The following AMZ2 variants were observed in gnomAD, a reference collection of about 807,000 sequenced individuals.
AMZ2 encodes the protein archaelysin family metallopeptidase 2.
In AMZ2, 26 loss-of-function variants were observed where a neutral mutation model predicts 36.7. The ratio of observed to expected loss-of-function variants is 0.71; its 90% CI spans 0.52 to 0.98. The LOEUF is 0.98. Ranked by LOEUF, AMZ2 falls within the 50% of genes least tolerant of loss-of-function variation. The pLI is 0.00. For missense variants in AMZ2, 394 were observed against 430.5 expected, an observed-to-expected ratio of 0.92 and a Z score of 0.75; for synonymous variants, 144 against 149.1, an observed-to-expected ratio of 0.97 and a Z score of 0.25.
At chr17:68,244,832 T>C (rs1432443525), upstream of AMZ2, among the ~76,000 whole-genome samples, 6 of 152,236 alleles carry the variant, frequency 3.9e-5, no homozygotes, top group African/African-American at 1.4e-4. Context: ...GTGTTTTTTA[T>C]TTTATTTCAT....
intron 1 of AMZ2, 135 bp from the exon 2 acceptor site, chr17:68,250,053 A>C (rs112601417): frequency 1.4e-5 from 13 of 935,294 alleles, no homozygotes; most frequent in African/African-American, 1.3e-4. Context: ...AACCACTCTA[A>C]GTGTGACCAC....
At chr17:68,206,384 A>T (rs371572721) in intron 1 of AMZ2, 1 of 838,994 alleles carries the variant, frequency 1.2e-6, no homozygotes, top group African/African-American at 1.9e-5. Flanking sequence ...GGGCACATCA[A>T]GTGGCAAAAA....
chr17:68,208,624 C>T (rs1478910983), intron 1 of AMZ2, among the ~76,000 whole-genome samples: 1 of 152,222 alleles, frequency 6.6e-6, no homozygotes, highest in Non-Finnish European at 1.5e-5. Context: ...ATTCAGGTCC[C>T]ATTCCACATT....
intron 6 of AMZ2, 89 bp downstream of exon 6, chr17:68,255,965 T>C (rs2074876444): frequency 1.5e-6 from 2 of 1,329,486 alleles, no homozygotes; most frequent in East Asian, 2.4e-5. Flanking sequence ...TCTGGAGTTA[T>C]AATTTATCAG....
At position 68,250,297 on chromosome 17, in the gene AMZ2, T is replaced by A. The variant is rs1203705213; in HGVS notation, c.110T>A (p.Met37Lys). 1 of 1,614,066 alleles carries A rather than the reference T, an allele frequency of 6.2e-7. No homozygotes were observed. Among genetic ancestry groups the A allele is most frequent in the East Asian group, 2.2e-5 (1 of 44,860 alleles). Residue 37 changes from methionine to lysine, a missense_variant, in exon 2 of 7, where the codon ATG (methionine) becomes AAG (lysine). Met to Lys is a moderately conservative substitution (Grantham distance 95). Coordinates refer to ENST00000359904, the MANE Select transcript of AMZ2 (RefSeq NM_016627.5). The part of the protein sequence containing the change: ...EKLNAGEQRL[M>K]NEAFQPASDL... ...TTAAATGCTGGGGAACAACGTTTAA[T>A]GAATGAAGCCTTCCAGCCAGCCAGT...
chr17:68,221,053 G>A (rs1328227194), intron 1 of AMZ2, among the ~76,000 whole-genome samples: 8 of 152,072 alleles, frequency 5.3e-5, no homozygotes, highest in Admixed American at 1.3e-4. Context: ...CAAAGTGCTA[G>A]GATTACAGGC....
At chr17:68,222,696 A>G (rs2362733) in intron 1 of AMZ2, among the ~76,000 whole-genome samples, 74,732 of 151,780 alleles carry the variant, frequency 0.49, 18,900 homozygotes, top group African/African-American at 0.62. Flanking sequence ...TAGATCCCTC[A>G]AATGCGCAGT....
intron 1 of AMZ2, among the ~76,000 whole-genome samples, chr17:68,222,456 G>A (rs1204917360): frequency 6.6e-6 from 1 of 152,236 alleles, no homozygotes; most frequent in Non-Finnish European, 1.5e-5. Flanking sequence ...TCCACGGACC[G>A]GGTGGGGATA....
At chr17:68,226,795 C>T (rs750243986) in intron 1 of AMZ2, among the ~76,000 whole-genome samples, 32 of 152,056 alleles carry the variant, frequency 2.1e-4, no homozygotes, top group Non-Finnish European at 4.3e-4. Context: ...GCCTAATTTA[C>T]TCCTAAAATG....
chr17:68,206,288 C>T lies in AMZ2; in HGVS notation c.-67+50C>T, dbSNP rs545544664. 2.1e-5 allele frequency: 27 copies of T among 1,276,876 alleles called. No homozygotes were observed. In the South Asian group the frequency reaches 7.5e-4, roughly 36 times the overall value. 79.1% of individuals were successfully genotyped at this position (1,276,876 alleles called of 1,614,324 possible). A position where few individuals can be genotyped will look rare whatever the true frequency, so the allele number is the denominator to read the frequency against. ...AGACTCCTTCCCCACCTCCTCTGCC[C>T]TCCCCCCTTGCTCACTCGTGTGCTG... On this transcript the variant is annotated intron_variant, in intron 1 of 7. Coordinates refer to the AMZ2 transcript ENST00000674770.
intron 1 of AMZ2, among the ~76,000 whole-genome samples, chr17:68,211,013 AT>A (rs1458042684): frequency 2.0e-5 from 3 of 151,920 alleles, no homozygotes; most frequent in African/African-American, 4.8e-5. Context: ...CTTTACCACA[AT>A]TTTCAAAAAT....
chr17:68,250,193 A>G lies in AMZ2; in HGVS notation c.6A>G (p.Gln2=). 6.2e-7 allele frequency: 1 copy of G among 1,610,056 alleles called. No homozygotes were observed. The part of the protein sequence containing the change: M[Q]IIRHSEQTLK... ...TACTTGCTTTTTTTTGTTAGATGCA[A>G]ATAATACGGCACTCCGAACAGACAC... Residue 2 remains glutamine (Q), a synonymous_variant, in exon 2 of 7, where the codon CAA becomes CAG. Transcript: ENST00000359904.
rs34203351 is a variant in AMZ2, at chr17:68,232,120, TAA to T, written c.-66-16499_-66-16498del. On this transcript the variant is annotated intron_variant, in intron 1 of 7. Transcript: ENST00000674770. ...AAGACTTGATTACAACTGAAGTTTG[TAA>T]AAAAAAAAAAAAAAAAAAAAGGTAT... Among the ~76,000 whole-genome samples the T allele has an allele frequency of 4.0e-3, 399 of 100,324 alleles. 1 individual carries two copies. The highest frequency in any genetic ancestry group is 9.5e-3 in the African/African-American group (261 of 27,424). The allele number at this position is 100,324 out of a possible 152,430, so 65.8% of individuals were successfully genotyped here.
chr17:68,214,689 T>C (rs1381658291), intron 1 of AMZ2, among the ~76,000 whole-genome samples: 1 of 152,198 alleles, frequency 6.6e-6, no homozygotes, highest in Non-Finnish European at 1.5e-5. Flanking sequence ...TCAGACTTTC[T>C]TGAGTCTGCT....
At chr17:68,207,318 C>CCCCCCA (rs1555724655) in intron 1 of AMZ2, 2 of 138,618 alleles carry the variant, frequency 1.4e-5, no homozygotes, top group Non-Finnish European at 3.1e-5. Context: ...TAAATACCCC[C>CCCCCCA]CCCCCACAAA....
At chr17:68,212,576 T>G (rs1415774887) in intron 1 of AMZ2, among the ~76,000 whole-genome samples, 1 of 152,104 alleles carries the variant, frequency 6.6e-6, no homozygotes, top group Admixed American at 6.6e-5. Context: ...TTTCTTTTCT[T>G]TCTTTTTTCA....
chr17:68,213,702 A>G (rs1238068035), intron 1 of AMZ2, among the ~76,000 whole-genome samples: 1 of 152,096 alleles, frequency 6.6e-6, no homozygotes, highest in Non-Finnish European at 1.5e-5. Flanking sequence ...TTCTCCTGAC[A>G]ACTTCCTCTT....
At chr17:68,223,026 G>A (rs1352272200) in intron 1 of AMZ2, among the ~76,000 whole-genome samples, 1 of 152,042 alleles carries the variant, frequency 6.6e-6, no homozygotes, top group Non-Finnish European at 1.5e-5. Flanking sequence ...AGAGGCGTGT[G>A]CTCTCGGAGG....
intron 1 of AMZ2, chr17:68,207,332 T>A (rs2072870996): frequency 8.6e-6 from 1 of 115,628 alleles, no homozygotes; most frequent in Non-Finnish European, 1.8e-5. Flanking sequence ...CCACAAAGGC[T>A]GCTTTGTATT....
Sources: allele counts gnomAD v4.1 joint callset (sites outside exome capture counted in the v4.1 genomes callset), GRCh38; gene constraint gnomAD v4.1.1; transcripts MANE v1.5; gene names NCBI Gene and HGNC (gene_info 2026-07-23, HGNC 2026-07-21).